Variants in NKAIN2 observed in about 807,000 individuals in gnomAD.
NKAIN2 encodes the protein sodium/potassium-transporting ATPase subunit beta-1-interacting protein 2.
A neutral mutation model predicts 32.6 loss-of-function variants in NKAIN2; 14 were observed. That is an observed-to-expected ratio of 0.43 (90% confidence interval 0.28 to 0.67). The LOEUF is 0.67. Ranked by LOEUF, NKAIN2 falls within the 30% of genes least tolerant of loss-of-function variation. The pLI is 0.17. For missense variants in NKAIN2, 198 were observed against 258.3 expected (o/e 0.77, Z 1.60); for synonymous variants, 80 against 87.2 (o/e 0.92, Z 0.46).
chr6:124,792,665 A>G (rs997996486), intron 5 of NKAIN2, among the ~76,000 whole-genome samples: 14 of 152,078 alleles, frequency 9.2e-5, no homozygotes, highest in Non-Finnish European at 1.9e-4. Flanking sequence ...GTTTATAGAG[A>G]ACAGTTTTGA....
intron 1 of NKAIN2, among the ~76,000 whole-genome samples, chr6:124,127,620 G>C (rs565599540): frequency 1.3e-5 from 2 of 152,148 alleles, no homozygotes; most frequent in Non-Finnish European, 2.9e-5. Flanking sequence ...TGATGGTTTG[G>C]TGAGCAGAGG....
intron 3 of NKAIN2, among the ~76,000 whole-genome samples, chr6:124,467,772 A>C (rs1776821793): frequency 6.6e-6 from 1 of 152,160 alleles, no homozygotes; most frequent in African/African-American, 2.4e-5. Flanking sequence ...AATGATTATA[A>C]TATTTCATGT....
At chr6:124,575,170 G>A (rs542660808) in intron 3 of NKAIN2, among the ~76,000 whole-genome samples, 2 of 152,268 alleles carry the variant, frequency 1.3e-5, no homozygotes, top group East Asian at 1.9e-4. Flanking sequence ...ACCTTTAGGG[G>A]AGATGGTGGC....
chr6:124,205,902 C>G (rs894903892), intron 1 of NKAIN2, among the ~76,000 whole-genome samples: 2 of 151,876 alleles, frequency 1.3e-5, no homozygotes, highest in Admixed American at 1.3e-4. Flanking sequence ...AACAGGTTTA[C>G]TGTTATCCGT....
chr6:124,313,904 T>C (rs1388468927), intron 2 of NKAIN2, among the ~76,000 whole-genome samples: 1 of 152,168 alleles, frequency 6.6e-6, no homozygotes, highest in East Asian at 1.9e-4. Context: ...GCAAGTTTGC[T>C]ACAAAAATGC....
intron 1 of NKAIN2, among the ~76,000 whole-genome samples, chr6:124,152,972 A>G (rs748597672): frequency 7.9e-5 from 12 of 151,930 alleles, no homozygotes; most frequent in Non-Finnish European, 1.5e-4. Context: ...TGCAGTTAGC[A>G]TAATGGTGGT....
At chr6:124,653,568 A>G (rs1014877833) in intron 3 of NKAIN2, among the ~76,000 whole-genome samples, 1 of 152,096 alleles carries the variant, frequency 6.6e-6, no homozygotes, top group Non-Finnish European at 1.5e-5. Context: ...AAAATGACAC[A>G]GGAGAAAATC....
intron 3 of NKAIN2, among the ~76,000 whole-genome samples, chr6:124,489,002 G>T (rs912809400): frequency 6.6e-6 from 1 of 151,770 alleles, no homozygotes; most frequent in African/African-American, 2.4e-5. Context: ...AATAAATATT[G>T]GTTTCAGCCC....
intron 3 of NKAIN2, among the ~76,000 whole-genome samples, chr6:124,442,136 A>C (rs960322080): frequency 6.6e-6 from 1 of 152,004 alleles, no homozygotes; most frequent in African/African-American, 2.4e-5. Flanking sequence ...CTCATCATTC[A>C]ACTCTTCCCC....
At chr6:124,195,223 C>T (rs987205820) in intron 1 of NKAIN2, among the ~76,000 whole-genome samples, 3 of 151,646 alleles carry the variant, frequency 2.0e-5, no homozygotes, top group South Asian at 2.1e-4. Flanking sequence ...TATTCCATGA[C>T]CTTAGAGTAA....
At chr6:124,558,810 A>C (rs368504822) in intron 3 of NKAIN2, among the ~76,000 whole-genome samples, 1 of 152,106 alleles carries the variant, frequency 6.6e-6, no homozygotes, top group Non-Finnish European at 1.5e-5. Flanking sequence ...TTAGCCGGGC[A>C]TGGTGGTGTG....
intron 2 of NKAIN2, among the ~76,000 whole-genome samples, chr6:124,308,147 C>A (rs1031424593): frequency 2.6e-5 from 4 of 151,976 alleles, no homozygotes; most frequent in Non-Finnish European, 5.9e-5. Context: ...CCTTTGCCCC[C>A]CACCCCGCAG....
intron 1 of NKAIN2, among the ~76,000 whole-genome samples, chr6:123,912,508 G>T (rs1019419518): frequency 3.3e-5 from 5 of 152,148 alleles, no homozygotes; most frequent in Non-Finnish European, 5.9e-5. Flanking sequence ...AAGATACTGA[G>T]TTCAAATTTA....
In NKAIN2 at chr6:124,230,047, C is replaced by T. The variant is rs181944817; in HGVS notation, c.55-52958C>T. 9.2e-4 allele frequency among the ~76,000 whole-genome samples: 140 copies of T among 152,218 alleles called. 1 individual carries two copies. The highest frequency in any genetic ancestry group is 1.5e-3 in the Non-Finnish European group (100 of 68,016). On this transcript the variant is annotated intron_variant, in intron 1 of 6. Coordinates refer to ENST00000368417, the MANE Select transcript of NKAIN2 (RefSeq NM_001040214.3). ...CAGGAAAATGTGGGAAAATTTGGAA[C>T]TCCCTAGAAACTTATTGAATGGCTT...
At chr6:124,169,141 T>C (rs1788718024) in intron 1 of NKAIN2, among the ~76,000 whole-genome samples, 1 of 152,140 alleles carries the variant, frequency 6.6e-6, no homozygotes, top group South Asian at 2.1e-4. Context: ...ATGTTTATTA[T>C]CCAGTATAGC....
chr6:123,954,490 C>T (rs542562421), intron 1 of NKAIN2, among the ~76,000 whole-genome samples: 2 of 152,312 alleles, frequency 1.3e-5, no homozygotes, highest in Admixed American at 6.5e-5. Flanking sequence ...ACTTTCCTCT[C>T]CTTCCTTGTG....
chr6:124,781,296 G>GT (rs1779254289), intron 4 of NKAIN2, among the ~76,000 whole-genome samples: 2 of 152,000 alleles, frequency 1.3e-5, no homozygotes, highest in South Asian at 4.2e-4. Flanking sequence ...CTAAGCCTCA[G>GT]TTTTTTCATT....
chr6:123,898,517 A>C (rs1020289214), intron 1 of NKAIN2, among the ~76,000 whole-genome samples: 1 of 151,758 alleles, frequency 6.6e-6, no homozygotes, highest in Non-Finnish European at 1.5e-5. Flanking sequence ...TTTGGGTGCA[A>C]AATGTCCAGA....
At chr6:124,606,158 A>G (rs539873029) in intron 3 of NKAIN2, among the ~76,000 whole-genome samples, 2 of 152,158 alleles carry the variant, frequency 1.3e-5, no homozygotes, top group African/African-American at 4.8e-5. Context: ...TCAAAGTGAT[A>G]GTACCTCTCC....
Sources: allele counts gnomAD v4.1 joint callset (sites outside exome capture counted in the v4.1 genomes callset), GRCh38; gene constraint gnomAD v4.1.1; transcripts MANE v1.5; gene names NCBI Gene and HGNC (gene_info 2026-07-23, HGNC 2026-07-21).